Variants in DEPTOR observed in about 807,000 individuals in gnomAD.
DEPTOR encodes DEP domain containing MTOR interacting protein, also known as DEP domain-containing mTOR-interacting protein.
In DEPTOR, 41 loss-of-function variants were observed where a neutral mutation model predicts 41.6. The observed-to-expected ratio is 0.98, with a 90% CI of 0.77 to 1.28. DEPTOR has a LOEUF of 1.28. DEPTOR is among the 50% of genes most tolerant of loss of function. The pLI is 0.00. For synonymous variants in DEPTOR, 195 were observed against 192.3 expected (o/e 1.01, Z -0.12); for missense variants, 514 against 527.9 (o/e 0.97, Z 0.26).
intron 1 of DEPTOR, among the ~76,000 whole-genome samples, chr8:119,900,853 A>G (rs1827581146): frequency 6.6e-6 from 1 of 152,176 alleles, no homozygotes; most frequent in Non-Finnish European, 1.5e-5. Flanking sequence ...TTGACTTCTA[A>G]CTACATTTGT....
intron 1 of DEPTOR, among the ~76,000 whole-genome samples, chr8:119,898,282 G>A (rs1332906870): frequency 1.3e-5 from 2 of 152,274 alleles, no homozygotes; most frequent in Non-Finnish European, 2.9e-5. Context: ...TGTTGTGTAC[G>A]TGTGTGAATG....
At position 120,049,668 on chromosome 8, in the gene DEPTOR, G is replaced by T; in HGVS notation, c.1194G>T (p.Thr398=). ...ATCTGATTCTGACGGGCCCACGGAC[G>T]ATTGTCATGGAAGTCATGGAGGAGT... The part of the protein sequence containing the change: ...VSNLILTGPR[T]IVMEVMEELE... The change falls in exon 9 of 9, where the codon ACG becomes ACT. Residue 398 remains threonine, a synonymous_variant. Transcript: ENST00000286234. 6 of 1,613,982 alleles carry T rather than the reference G, an allele frequency of 3.7e-6. No individual in the cohort carries two copies. In the South Asian group the frequency reaches 5.5e-5, roughly 15 times the overall value.
intron 8 of DEPTOR, among the ~76,000 whole-genome samples, chr8:120,044,305 A>C (rs1813124013): frequency 6.6e-6 from 1 of 152,008 alleles, no homozygotes; most frequent in Admixed American, 6.6e-5. Context: ...TTTCGTATTT[A>C]ATAGAGACAG....
chr8:119,929,907 G>T lies in DEPTOR; in HGVS notation c.394G>T (p.Ala132Ser), dbSNP rs1216677577. 3.1e-6 allele frequency: 5 copies of T among 1,613,578 alleles called. No individual in the cohort carries two copies. The highest frequency in any genetic ancestry group is 4.2e-6 in the Non-Finnish European group (5 of 1,179,766). The change falls in exon 3 of 9, where the codon GCC becomes TCC. Residue 132 changes from alanine (A) to serine (S), a missense_variant. By Grantham distance (99) the Ala-to-Ser change is moderately conservative (BLOSUM62 1). Coordinates refer to ENST00000286234, the MANE Select transcript of DEPTOR (RefSeq NM_022783.4). ...CTTCCCATTGGATAATGAAGTGAAG[G>T]CCTTTATGAGAGGACAGAGGCTATA... ...GTFPLDNEVK[A>S]FMRGQRLYEK...
intron 3 of DEPTOR, among the ~76,000 whole-genome samples, chr8:119,945,269 A>G (rs1311985100): frequency 1.3e-5 from 2 of 152,202 alleles, no homozygotes; most frequent in East Asian, 3.8e-4. Flanking sequence ...TAAAACTAGT[A>G]GAAGATATTG....
At chr8:120,002,094 C>G (rs1812358820) in intron 5 of DEPTOR, among the ~76,000 whole-genome samples, 1 of 152,022 alleles carries the variant, frequency 6.6e-6, no homozygotes, top group Admixed American at 6.6e-5. Flanking sequence ...TATAGCAAGA[C>G]CTCATCTGTC....
intron 8 of DEPTOR, among the ~76,000 whole-genome samples, chr8:120,021,792 C>T (rs1482056065): frequency 6.6e-6 from 1 of 152,074 alleles, no homozygotes; most frequent in East Asian, 1.9e-4. Context: ...AAGCCCATGC[C>T]CATATCATGT....
At chr8:120,029,308 A>G (rs1459846373) in intron 8 of DEPTOR, among the ~76,000 whole-genome samples, 1 of 152,192 alleles carries the variant, frequency 6.6e-6, no homozygotes, top group Admixed American at 6.5e-5. Context: ...ATAGGAAAAT[A>G]TCCTTCATAC....
intron 8 of DEPTOR, among the ~76,000 whole-genome samples, chr8:120,015,544 A>C (rs1270379280): frequency 6.6e-6 from 1 of 152,148 alleles, no homozygotes; most frequent in Non-Finnish European, 1.5e-5. Context: ...CAATGATGAT[A>C]TGGCTCCAAT....
intron 1 of DEPTOR, among the ~76,000 whole-genome samples, chr8:119,896,877 T>A (rs1315400900): frequency 6.6e-6 from 1 of 151,566 alleles, no homozygotes; most frequent in Non-Finnish European, 1.5e-5. Context: ...GTCAACTACA[T>A]ATATGGAAAT....
At chr8:119,898,366 A>T (rs1827546565) in intron 1 of DEPTOR, among the ~76,000 whole-genome samples, 1 of 152,176 alleles carries the variant, frequency 6.6e-6, no homozygotes, top group South Asian at 2.1e-4. Context: ...CAAACAAGAG[A>T]TTATAAATTT....
intron 1 of DEPTOR, among the ~76,000 whole-genome samples, chr8:119,915,783 C>T (rs565877890): frequency 1.3e-5 from 2 of 152,170 alleles, no homozygotes; most frequent in African/African-American, 2.4e-5. Flanking sequence ...CAGCAAACCT[C>T]GCAGTAGGGA....
chr8:119,936,651 C>G (rs527813806), intron 3 of DEPTOR, among the ~76,000 whole-genome samples: 1 of 152,330 alleles, frequency 6.6e-6, no homozygotes, highest in South Asian at 2.1e-4. Flanking sequence ...AAGCTTTTGT[C>G]TCCATCTTGT....
At chr8:119,976,443 C>G (rs913211361) in intron 4 of DEPTOR, among the ~76,000 whole-genome samples, 1 of 151,978 alleles carries the variant, frequency 6.6e-6, no homozygotes, top group South Asian at 2.1e-4. Flanking sequence ...CAAAAGTGAC[C>G]ACTTACTGAG....
intron 8 of DEPTOR, among the ~76,000 whole-genome samples, chr8:120,018,988 G>A (rs1261459613): frequency 1.3e-5 from 2 of 152,198 alleles, no homozygotes; most frequent in Admixed American, 6.6e-5. Flanking sequence ...ATAGCCTAGA[G>A]AGGAAGAAGG....
At chr8:119,920,131 G>T (rs961392443) in intron 1 of DEPTOR, among the ~76,000 whole-genome samples, 3 of 152,116 alleles carry the variant, frequency 2.0e-5, no homozygotes, top group African/African-American at 7.2e-5. Flanking sequence ...TAGCCAGTGG[G>T]ATTGAAAATG....
chr8:119,964,570 C>T (rs537341238), intron 3 of DEPTOR, among the ~76,000 whole-genome samples: 1 of 147,688 alleles, frequency 6.8e-6, no homozygotes, highest in South Asian at 2.2e-4. Flanking sequence ...ACACTCAGTT[C>T]ACAGCACTTG....
At chr8:119,928,335 G>A in intron 1 of DEPTOR, 65 bp from the exon 2 acceptor site, 1 of 1,528,796 alleles carries the variant, frequency 6.5e-7, no homozygotes, top group Admixed American at 1.8e-5. Context: ...ATTACTGTCT[G>A]GGATTGGTTT....
chr8:120,012,444 T>A (rs1420956707), intron 8 of DEPTOR, among the ~76,000 whole-genome samples: 1 of 152,164 alleles, frequency 6.6e-6, no homozygotes, highest in African/African-American at 2.4e-5. Flanking sequence ...TGTCTAAACA[T>A]AGAAAAAATA....
Sources: allele counts gnomAD v4.1 joint callset (sites outside exome capture counted in the v4.1 genomes callset), GRCh38; gene constraint gnomAD v4.1.1; transcripts MANE v1.5; gene names NCBI Gene and HGNC (gene_info 2026-07-23, HGNC 2026-07-21).